ZMIZ1: variants seen among roughly 807,000 people sequenced by gnomAD.
The protein encoded by ZMIZ1 is zinc finger MIZ-type containing 1.
ZMIZ1 carries 17 observed loss-of-function variants against 113.9 expected under a neutral mutation model. That is an observed-to-expected ratio of 0.15 (90% CI 0.10 to 0.22). The LOEUF is 0.22. Ranked by LOEUF, ZMIZ1 falls within the 10% of genes least tolerant of loss-of-function variation. The pLI is 1.00. For synonymous variants in ZMIZ1, 607 were observed against 603.1 expected (o/e 1.01, Z -0.09); for missense variants, 1,059 against 1,477.8 (o/e 0.72, Z 4.65).
At chr10:79,104,996 T>TGTGTGTGTGTGTG (rs1843504939) in intron 1 of ZMIZ1, among the ~76,000 whole-genome samples, 1 of 148,256 alleles carries the variant, frequency 6.7e-6, no homozygotes, top group African/African-American at 2.5e-5. Flanking sequence ...TGTGTGTGTC[T>TGTGTGTGTGTGTG]TAACTGCCAT....
chr10:79,210,823 C>G (rs1444152890), intron 6 of ZMIZ1, among the ~76,000 whole-genome samples: 1 of 152,130 alleles, frequency 6.6e-6, no homozygotes, highest in Non-Finnish European at 1.5e-5. Context: ...GGCAGGAGCT[C>G]TGAAGGGAGC....
chr10:79,313,071 C>G lies in ZMIZ1; in HGVS notation c.*322C>G, dbSNP rs2296422. The G allele has an allele frequency of 8.6e-6, 3 of 347,286 alleles. No individual in the cohort carries two copies. The East Asian group carries it at 1.7e-4, about 19-fold the overall frequency. 21.5% of individuals were successfully genotyped at this position (347,286 alleles called of 1,614,324 possible). A position where few individuals can be genotyped will look rare whatever the true frequency, so the allele number is the denominator to read the frequency against. On this transcript the variant is annotated 3_prime_UTR_variant, in exon 25 of 25. Coordinates refer to ENST00000334512, the MANE Select transcript of ZMIZ1 (RefSeq NM_020338.4). ...GAGGGCACACGCTGATGCGGCTTCCCGGTCCCTCCGCGTGTGCCGATTCCA... is the reference window on the plus strand; with the variant it reads ...GAGGGCACACGCTGATGCGGCTTCCGGGTCCCTCCGCGTGTGCCGATTCCA...
chr10:79,166,002 G>GTGTGTGTGTGTGTGTGTGTGTGT (rs56386650), intron 4 of ZMIZ1, among the ~76,000 whole-genome samples: 21 of 13,456 alleles, frequency 1.6e-3, no homozygotes, highest in African/African-American at 3.5e-3. Flanking sequence ...GTGTGTGTGT[G>GTGTGTGTGTGTGTGTGTGTGTGT]GGCTCTCCCT....
intron 1 of ZMIZ1, among the ~76,000 whole-genome samples, chr10:79,100,668 A>C (rs1843333494): frequency 6.6e-6 from 1 of 152,172 alleles, no homozygotes; most frequent in African/African-American, 2.4e-5. Flanking sequence ...ATGTTCTCAC[A>C]GGGGTCCCAT....
At chr10:79,283,223 G>A (rs1047297959) in intron 8 of ZMIZ1, among the ~76,000 whole-genome samples, 3 of 152,214 alleles carry the variant, frequency 2.0e-5, no homozygotes, top group Admixed American at 6.5e-5. Flanking sequence ...GCTTCTGGGC[G>A]GGAGGGCCCC....
chr10:79,228,340 G>A (rs1355987279), intron 7 of ZMIZ1, among the ~76,000 whole-genome samples: 1 of 152,254 alleles, frequency 6.6e-6, no homozygotes, highest in Non-Finnish European at 1.5e-5. Flanking sequence ...GCTCTGAGTG[G>A]ATGGATGTGT....
At chr10:79,307,790 G>C (rs1025922561) in intron 23 of ZMIZ1, among the ~76,000 whole-genome samples, 50 of 152,044 alleles carry the variant, frequency 3.3e-4, no homozygotes, top group African/African-American at 1.2e-3. Flanking sequence ...CTGGAGATGG[G>C]GGAAGCTTCA....
intron 7 of ZMIZ1, among the ~76,000 whole-genome samples, chr10:79,228,531 G>A (rs1329964252): frequency 6.6e-6 from 1 of 152,236 alleles, no homozygotes; most frequent in Non-Finnish European, 1.5e-5. Flanking sequence ...CCTGTTCCCA[G>A]GGCCCATCTG....
intron 1 of ZMIZ1, among the ~76,000 whole-genome samples, chr10:79,081,166 C>G (rs944343549): frequency 6.9e-6 from 1 of 144,038 alleles, no homozygotes; most frequent in African/African-American, 2.5e-5. Flanking sequence ...GTTCTCTTCT[C>G]AGGACCTTGC....
chr10:79,315,012 G>C lies in ZMIZ1; in HGVS notation c.*2263G>C, dbSNP rs1051027007. On this transcript the variant is annotated 3_prime_UTR_variant, in exon 25 of 25. Coordinates refer to ENST00000334512, the MANE Select transcript of ZMIZ1 (RefSeq NM_020338.4). ...TGGGATTCATTCTGGTTCTTATCAG[G>C]GTGTGTCCACACTCTGCTCACAGGT... The C allele has an allele frequency of 2.0e-5, 3 of 152,720 alleles. No individual in the cohort carries two copies. Among genetic ancestry groups the C allele is most frequent in the African/African-American group, 7.2e-5 (3 of 41,412 alleles). 9.5% of individuals were successfully genotyped at this position (152,720 alleles called of 1,614,324 possible). A position where few individuals can be genotyped will look rare whatever the true frequency, so the allele number is the denominator to read the frequency against.
At chr10:79,307,262 G>A (rs938082902) in intron 22 of ZMIZ1, 143 bp from the exon 23 acceptor site, 28 of 768,184 alleles carry the variant, frequency 3.6e-5, no homozygotes, top group South Asian at 2.3e-4. Flanking sequence ...CCTACAGCCC[G>A]GAAGCCTCGG....
chr10:79,238,035 A>G (rs1849664541), intron 7 of ZMIZ1, among the ~76,000 whole-genome samples: 1 of 152,208 alleles, frequency 6.6e-6, no homozygotes, highest in South Asian at 2.1e-4. Flanking sequence ...CCCTGGGGGC[A>G]GCCCCAAGCC....
At chr10:79,290,883 C>T in intron 9 of ZMIZ1, 76 bp from the exon 10 acceptor site, 1 of 1,542,032 alleles carries the variant, frequency 6.5e-7, no homozygotes, top group Non-Finnish European at 9.0e-7. Flanking sequence ...CTCCCTTTCC[C>T]CTCTTCATTT....
At chr10:79,229,153 G>A (rs531699607) in intron 7 of ZMIZ1, among the ~76,000 whole-genome samples, 41 of 152,274 alleles carry the variant, frequency 2.7e-4, no homozygotes, top group Admixed American at 4.6e-4. Context: ...GTCTCTCCAG[G>A]GACCATCTGG....
At position 79,296,159 on chromosome 10, in the gene ZMIZ1, TC is replaced by T. The variant is rs1853876850; in HGVS notation, c.1231-311del. On this transcript the variant is annotated intron_variant, in intron 12 of 24. Transcript: ENST00000334512. The surrounding 1 kb of genome is among the most constrained non-coding windows in gnomAD (Gnocchi z 4.1). ...CCAGGCACCAGGAGAGACACAAAGG[TC>T]GGGGGAGTTAGAATCAGGCCCCTCA... 1 of 391,002 alleles carries T rather than the reference TC, an allele frequency of 2.6e-6. No individual in the cohort carries two copies. Among genetic ancestry groups the T allele is most frequent in the African/African-American group, 2.1e-5 (1 of 47,050 alleles). The allele number at this position is 391,002 out of a possible 1,614,324, so 24.2% of individuals were successfully genotyped here.
intron 6 of ZMIZ1, among the ~76,000 whole-genome samples, chr10:79,209,731 A>T (rs547860260): frequency 6.6e-6 from 1 of 152,312 alleles, no homozygotes; most frequent in African/African-American, 2.4e-5. Flanking sequence ...ACACCATCCC[A>T]CCAAATCCCC....
At chr10:79,256,009 G>A (rs939756940) in intron 7 of ZMIZ1, among the ~76,000 whole-genome samples, 6 of 152,184 alleles carry the variant, frequency 3.9e-5, no homozygotes, top group African/African-American at 9.7e-5. Flanking sequence ...GGGGGAATGC[G>A]GGTGTCCTGG....
Position 79,148,478 on chromosome 10 carries a change from T to C in ZMIZ1, c.-131+8701T>C, listed in dbSNP as rs537795457. ...GAGCATCATCAGACCTTGTCTCTGT[T>C]GTGATGAGGTCTAGGGTATTCAATC... On this transcript the variant is annotated intron_variant, in intron 3 of 24. Transcript: ENST00000334512. Among the ~76,000 whole-genome samples the C allele has an allele frequency of 2.3e-3, 343 of 152,210 alleles. 2 individuals carry two copies. Among genetic ancestry groups the C allele is most frequent in the African/African-American group, 8.0e-3 (333 of 41,518 alleles).
At chr10:79,257,220 G>A (rs1850971111) in intron 7 of ZMIZ1, among the ~76,000 whole-genome samples, 1 of 152,244 alleles carries the variant, frequency 6.6e-6, no homozygotes, top group African/African-American at 2.4e-5. Flanking sequence ...GAGGACCACT[G>A]TGGGGACCCC....
Sources: allele counts gnomAD v4.1 joint callset (sites outside exome capture counted in the v4.1 genomes callset), GRCh38; gene constraint gnomAD v4.1.1; non-coding constraint Gnocchi (gnomAD v3.1); transcripts MANE v1.5; gene names NCBI Gene and HGNC (gene_info 2026-07-23, HGNC 2026-07-21).